The following COMMD10 variants were observed in gnomAD, a reference collection of about 807,000 sequenced individuals.
COMMD10 encodes the protein COMM domain-containing protein 10.
Under a neutral mutation model 28.9 loss-of-function variants are expected in COMMD10, and 33 were observed. The observed-to-expected ratio is 1.14, with a 90% confidence interval of 0.87 to 1.53. The LOEUF (loss-of-function observed/expected upper bound fraction) is 1.53. Among genes scored for constraint, COMMD10 ranks in the 40% most tolerant of loss-of-function variants. The pLI, the probability that COMMD10 is intolerant of heterozygous loss-of-function variation, is 0.00. For synonymous variants in COMMD10, 110 were observed against 81.7 expected, an observed-to-expected ratio of 1.35 and a Z score of -1.87; for missense variants, 310 against 233.4, an observed-to-expected ratio of 1.33 and a Z score of -2.14.
intron 4 of COMMD10, among the ~76,000 whole-genome samples, chr5:116,111,348 G>C (rs944738498): frequency 1.3e-5 from 2 of 150,644 alleles, no homozygotes; most frequent in Non-Finnish European, 1.5e-5. Flanking sequence ...AGTTCCTTTA[G>C]ATGTATTGTT....
chr5:116,091,055 A>G (rs1317271974), intron 2 of COMMD10, 24 bp from the exon 3 acceptor site: 1 of 1,425,506 alleles, frequency 7.0e-7, no homozygotes, highest in East Asian at 2.3e-5. Context: ...GTGCTAATAT[A>G]ATAGATTGCT....
chr5:116,225,643 T>C (rs1749376099), intron 5 of COMMD10, among the ~76,000 whole-genome samples: 1 of 152,110 alleles, frequency 6.6e-6, no homozygotes, highest in Non-Finnish European at 1.5e-5. Context: ...TCTTTGTTGT[T>C]TCTTTGTGTC....
chr5:116,085,603 T>A (rs1750068266), intron 1 of COMMD10: 1 of 153,456 alleles, frequency 6.5e-6, no homozygotes, highest in African/African-American at 2.4e-5. Context: ...CTAGCCTGGC[T>A]TTGGTAGCAT....
chr5:116,256,071 A>G (rs1750276363), intron 5 of COMMD10, among the ~76,000 whole-genome samples: 2 of 151,674 alleles, frequency 1.3e-5, no homozygotes, highest in African/African-American at 4.9e-5. Flanking sequence ...ATTACCTTCT[A>G]TAAAAAGTTC....
intron 5 of COMMD10, among the ~76,000 whole-genome samples, chr5:116,198,668 C>A (rs1258876661): frequency 6.6e-6 from 1 of 152,114 alleles, no homozygotes; most frequent in Non-Finnish European, 1.5e-5. Flanking sequence ...CCTCTACAGT[C>A]CTGTTTTACA....
rs1561676887 is a variant in COMMD10, at chr5:116,228,520, A to G, written c.511-62997A>G. On this transcript the variant is annotated intron_variant, in intron 5 of 6. Transcript: ENST00000274458. Reference sequence around the variant, plus strand: ...TTGTAGGTTTCAAAAAATGTTTGAAAATTTGCTTTAATTAATAGTTTTGAC... The same window carrying G: ...TTGTAGGTTTCAAAAAATGTTTGAAGATTTGCTTTAATTAATAGTTTTGAC... Among the ~76,000 whole-genome samples, 3 of 152,054 alleles carry G rather than the reference A, an allele frequency of 2.0e-5. No homozygotes were observed. The East Asian group carries it at 5.8e-4, about 29-fold the overall frequency.
chr5:116,112,297 G>A lies in COMMD10; in HGVS notation c.399+19597G>A, dbSNP rs534767570. On this transcript the variant is annotated intron_variant, in intron 4 of 6. Coordinates refer to ENST00000274458, the MANE Select transcript of COMMD10 (RefSeq NM_016144.4). ...CTACCTCTGCTTGCTTTAGATTTTC[G>A]TTGGCCCATAATATCAATCAATATC... is the stretch of plus-strand genomic sequence containing the variant. 9.2e-5 allele frequency among the ~76,000 whole-genome samples: 14 copies of A among 152,002 alleles called. No homozygotes were observed. In the South Asian group the frequency reaches 1.0e-3, roughly 11 times the overall value.
intron 5 of COMMD10, among the ~76,000 whole-genome samples, chr5:116,280,255 A>G (rs1329091677): frequency 6.6e-6 from 1 of 151,876 alleles, no homozygotes; most frequent in Non-Finnish European, 1.5e-5. Context: ...AGAATTGGAA[A>G]GAATCTTGGG....
intron 5 of COMMD10, among the ~76,000 whole-genome samples, chr5:116,173,910 C>A (rs769914472): frequency 7.0e-6 from 1 of 142,354 alleles, no homozygotes; most frequent in Non-Finnish European, 1.5e-5. Flanking sequence ...TTCCTTAATT[C>A]TTTATTCAAC....
At chr5:116,105,072 A>G (rs908702765) in intron 4 of COMMD10, among the ~76,000 whole-genome samples, 1 of 152,162 alleles carries the variant, frequency 6.6e-6, no homozygotes, top group East Asian at 1.9e-4. Context: ...TTGCCCATAC[A>G]GTATGATATT....
At chr5:116,257,411 C>T (rs761703597) in intron 5 of COMMD10, among the ~76,000 whole-genome samples, 1 of 151,680 alleles carries the variant, frequency 6.6e-6, no homozygotes, top group Non-Finnish European at 1.5e-5. Flanking sequence ...AGCTTCTGTA[C>T]TAACCAGTTC....
At chr5:116,241,251 A>T (rs1318041023) in intron 5 of COMMD10, among the ~76,000 whole-genome samples, 1 of 152,220 alleles carries the variant, frequency 6.6e-6, no homozygotes. Flanking sequence ...CCGTAGGTGG[A>T]CATTTCTTTG....
intron 5 of COMMD10, among the ~76,000 whole-genome samples, chr5:116,171,544 C>G (rs962381317): frequency 6.6e-6 from 1 of 152,036 alleles, no homozygotes; most frequent in Non-Finnish European, 1.5e-5. Flanking sequence ...TTTATTGCAG[C>G]ACAATTTACA....
chr5:116,255,381 T>A (rs1375715600), intron 5 of COMMD10, among the ~76,000 whole-genome samples: 1 of 151,762 alleles, frequency 6.6e-6, no homozygotes, highest in African/African-American at 2.4e-5. Flanking sequence ...TTGATGCAGT[T>A]TCTTCCTAGT....
intron 4 of COMMD10, among the ~76,000 whole-genome samples, chr5:116,108,810 AG>A: frequency 6.6e-6 from 1 of 152,240 alleles, no homozygotes; most frequent in South Asian, 2.1e-4. Context: ...CTTGAAACCC[AG>A]GGCCTAGGTG....
chr5:116,278,916 T>C (rs1012446672), intron 5 of COMMD10, among the ~76,000 whole-genome samples: 5 of 151,872 alleles, frequency 3.3e-5, no homozygotes, highest in African/African-American at 1.2e-4. Flanking sequence ...AATACTACAA[T>C]ATAATTAGAA....
intron 5 of COMMD10, among the ~76,000 whole-genome samples, chr5:116,155,850 A>G (rs950093188): frequency 6.6e-6 from 1 of 152,056 alleles, no homozygotes; most frequent in Admixed American, 6.6e-5. Context: ...TTATCTATTA[A>G]TTTTCCTCAT....
chr5:116,117,571 C>G (rs1426347473), intron 4 of COMMD10, among the ~76,000 whole-genome samples: 1 of 152,148 alleles, frequency 6.6e-6, no homozygotes, highest in Non-Finnish European at 1.5e-5. Context: ...TCAAGAGATT[C>G]TTGTGTCTCA....
chr5:116,134,467 C>T (rs759656423), intron 5 of COMMD10, among the ~76,000 whole-genome samples: 21 of 152,182 alleles, frequency 1.4e-4, no homozygotes, highest in African/African-American at 1.9e-4. Context: ...CTGAGTGTTT[C>T]ATGTTTTAAG....
Sources: allele counts gnomAD v4.1 joint callset (sites outside exome capture counted in the v4.1 genomes callset), GRCh38; gene constraint gnomAD v4.1.1; transcripts MANE v1.5; gene names NCBI Gene and HGNC (gene_info 2026-07-23, HGNC 2026-07-21).